The following LRRC1 variants were observed in gnomAD, a reference collection of about 807,000 sequenced individuals.
The protein encoded by LRRC1 is leucine rich repeat containing 1.
Under a neutral mutation model 69.9 loss-of-function variants are expected in LRRC1, and 28 were observed. The ratio of observed to expected loss-of-function variants is 0.40; its 90% CI spans 0.30 to 0.55. The LOEUF is 0.55. Among genes scored for constraint, LRRC1 ranks in the 20% least tolerant of loss-of-function variants. The pLI is 0.47. For synonymous variants in LRRC1, 236 were observed against 240.2 expected, an observed-to-expected ratio of 0.98 and a Z score of 0.16; for missense variants, 498 against 609.0, an observed-to-expected ratio of 0.82 and a Z score of 1.92.
chr6:53,842,276 G>T lies in LRRC1; in HGVS notation c.277+49G>T, dbSNP rs201444320. On this transcript the variant is annotated intron_variant, in intron 2 of 13. Coordinates refer to ENST00000370888, the MANE Select transcript of LRRC1 (RefSeq NM_018214.5). ...GCCTATTTGTCTCTTCAGATGCTGG[G>T]GGTGTTTTTAGTAAATATAGCTACG... 8.7e-5 allele frequency: 116 copies of T among 1,336,116 alleles called. No homozygotes were observed. The Middle Eastern group carries it at 1.3e-3, about 15-fold the overall frequency. The allele number at this position is 1,336,116 out of a possible 1,614,324, so 82.8% of individuals were successfully genotyped here.
chr6:53,821,908 G>T (rs1468472111), intron 1 of LRRC1, among the ~76,000 whole-genome samples: 30 of 138,004 alleles, frequency 2.2e-4, no homozygotes, highest in African/African-American at 2.7e-4. Context: ...TTTTCTGTTT[G>T]TTTTTCTCTT....
intron 3 of LRRC1, among the ~76,000 whole-genome samples, chr6:53,879,555 A>T (rs1280182477): frequency 6.6e-6 from 1 of 152,124 alleles, no homozygotes; most frequent in South Asian, 2.1e-4. Flanking sequence ...AAGTGCTGGG[A>T]TTACAGGCCG....
intron 2 of LRRC1, among the ~76,000 whole-genome samples, chr6:53,876,584 G>A (rs574881771): frequency 1.3e-5 from 2 of 152,304 alleles, no homozygotes; most frequent in South Asian, 4.1e-4. Context: ...TGGCAGTGCA[G>A]GCATTGAATA....
chr6:53,820,929 C>T (rs1581852734), intron 1 of LRRC1, among the ~76,000 whole-genome samples: 1 of 152,314 alleles, frequency 6.6e-6, no homozygotes, highest in East Asian at 1.9e-4. Context: ...TGGGCTACTA[C>T]TGTAGTATTC....
intron 4 of LRRC1, among the ~76,000 whole-genome samples, chr6:53,890,768 A>G (rs145733935): frequency 1.7e-3 from 264 of 152,344 alleles, no homozygotes; most frequent in African/African-American, 6.1e-3. Context: ...TTATGAATGT[A>G]TAAGCAACTC....
At chr6:53,868,445 C>T (rs1222608188) in intron 2 of LRRC1, among the ~76,000 whole-genome samples, 5 of 152,060 alleles carry the variant, frequency 3.3e-5, no homozygotes, top group Non-Finnish European at 1.5e-5. Flanking sequence ...AGGCTGGTCT[C>T]GAACTCCTGA....
intron 4 of LRRC1, among the ~76,000 whole-genome samples, chr6:53,891,008 A>G (rs1767662313): frequency 1.3e-5 from 2 of 152,250 alleles, no homozygotes; most frequent in African/African-American, 4.8e-5. Context: ...TAAATTCCTT[A>G]AAGTAACCAT....
intron 8 of LRRC1, among the ~76,000 whole-genome samples, chr6:53,901,969 A>C (rs1478646900): frequency 6.6e-6 from 1 of 152,186 alleles, no homozygotes; most frequent in Non-Finnish European, 1.5e-5. Context: ...TCAGTAGAGA[A>C]TGAAGGGCGC....
At chr6:53,891,025 A>C (rs1025503344) in intron 4 of LRRC1, among the ~76,000 whole-genome samples, 1 of 152,268 alleles carries the variant, frequency 6.6e-6, no homozygotes, top group East Asian at 1.9e-4. Context: ...CCATTCATCC[A>C]GTCACTGAAA....
At chr6:53,832,809 C>T (rs911603534) in intron 1 of LRRC1, among the ~76,000 whole-genome samples, 3 of 151,998 alleles carry the variant, frequency 2.0e-5, no homozygotes, top group Non-Finnish European at 4.4e-5. Flanking sequence ...AGCAGATTTA[C>T]CTTTTTAAAA....
chr6:53,860,665 C>T (rs62397088), intron 2 of LRRC1, among the ~76,000 whole-genome samples: 8,284 of 152,170 alleles, frequency 0.054, 304 homozygotes, highest in Non-Finnish European at 0.079. Flanking sequence ...ATCCATTTCC[C>T]ACCACCTCCT....
intron 1 of LRRC1, among the ~76,000 whole-genome samples, chr6:53,796,284 C>G (rs1030418470): frequency 6.6e-6 from 1 of 152,198 alleles, no homozygotes; most frequent in African/African-American, 2.4e-5. Flanking sequence ...GCTGATGGTG[C>G]TTTGACCGAG....
At chr6:53,903,397 T>C (rs1768125705) in intron 9 of LRRC1, among the ~76,000 whole-genome samples, 1 of 152,096 alleles carries the variant, frequency 6.6e-6, no homozygotes, top group African/African-American at 2.4e-5. Context: ...CAGTCGTCTT[T>C]TCCTGTCCTG....
intron 4 of LRRC1, among the ~76,000 whole-genome samples, chr6:53,894,072 G>T (rs982955681): frequency 6.6e-6 from 1 of 152,182 alleles, no homozygotes. Flanking sequence ...AAACTGAGAG[G>T]TGTTTTTAAA....
chr6:53,823,477 G>A (rs1361750425), intron 1 of LRRC1, among the ~76,000 whole-genome samples: 2 of 152,094 alleles, frequency 1.3e-5, no homozygotes, highest in Non-Finnish European at 2.9e-5. Context: ...ACCAGGGACT[G>A]TAACATCATG....
At chr6:53,920,030 G>A (rs1219376062) in intron 12 of LRRC1, among the ~76,000 whole-genome samples, 1 of 152,220 alleles carries the variant, frequency 6.6e-6, no homozygotes, top group Admixed American at 6.5e-5. Context: ...TTAAGCCATT[G>A]AATTATTTTG....
chr6:53,838,147 G>T (rs954502564), intron 1 of LRRC1, among the ~76,000 whole-genome samples: 2 of 152,180 alleles, frequency 1.3e-5, no homozygotes, highest in African/African-American at 4.8e-5. Context: ...GAATATTTGA[G>T]AATTTAATAC....
chr6:53,798,614 C>T (rs191639341), intron 1 of LRRC1, among the ~76,000 whole-genome samples: 1 of 152,298 alleles, frequency 6.6e-6, no homozygotes, highest in African/African-American at 2.4e-5. Flanking sequence ...CTCCTGACCT[C>T]ATGACCCACC....
At position 53,923,409 on chromosome 6, in the gene LRRC1, A is replaced by G. The variant is rs990258782; in HGVS notation, c.*616A>G. 2.6e-5 allele frequency: 4 copies of G among 152,636 alleles called. No homozygotes were observed. The highest frequency in any genetic ancestry group is 5.9e-5 in the Non-Finnish European group (4 of 68,038). The allele number at this position is 152,636 out of a possible 1,614,324, so 9.5% of individuals were successfully genotyped here. On this transcript the variant is annotated 3_prime_UTR_variant, in exon 14 of 14. Coordinates refer to ENST00000370888, the MANE Select transcript of LRRC1 (RefSeq NM_018214.5). ...CTTGTGCCTTACTGTATCCTGTGTCATGTCCAATCAGTTGTAAACAATGGC... is the reference window on the plus strand; with the variant it reads ...CTTGTGCCTTACTGTATCCTGTGTCGTGTCCAATCAGTTGTAAACAATGGC...
Sources: gnomAD v4.1 joint callset for allele counts (sites outside exome capture counted in the v4.1 genomes callset) on GRCh38, gnomAD v4.1.1 for gene constraint, MANE v1.5 for transcripts, NCBI Gene and HGNC (gene_info 2026-07-23, HGNC 2026-07-21) for gene names.